Variants in HSDL2 observed in about 807,000 individuals in gnomAD.
HSDL2 encodes hydroxysteroid dehydrogenase like 2.
In HSDL2, 27 loss-of-function variants were observed where a neutral mutation model predicts 46.3. That is an observed-to-expected ratio of 0.58 (90% CI 0.43 to 0.80). The LOEUF (loss-of-function observed/expected upper bound fraction) is 0.80, where lower values mean the gene tolerates loss of function less well. Among genes scored for constraint, HSDL2 ranks in the 30% least tolerant of loss-of-function variants. The pLI is 0.00. For missense variants in HSDL2, 451 were observed against 502.7 expected, an observed-to-expected ratio of 0.90 and a Z score of 0.98; for synonymous variants, 153 against 163.6, an observed-to-expected ratio of 0.94 and a Z score of 0.50.
intron 6 of HSDL2, among the ~76,000 whole-genome samples, chr9:112,426,505 G>A (rs1005945005): frequency 6.6e-6 from 1 of 152,124 alleles, no homozygotes; most frequent in East Asian, 1.9e-4. Flanking sequence ...CAAAGTGCTG[G>A]GATTATAGGC....
intron 6 of HSDL2, among the ~76,000 whole-genome samples, chr9:112,427,436 C>T (rs1012211216): frequency 2.4e-4 from 37 of 152,156 alleles, no homozygotes; most frequent in Non-Finnish European, 4.7e-4. Context: ...TTAAATGATT[C>T]GGTCTCTTTA....
Position 112,381,530 on chromosome 9 carries a change from A to AT in HSDL2, c.17+1355dup, listed in dbSNP as rs1258503174. 2.0e-5 allele frequency among the ~76,000 whole-genome samples: 3 copies of AT among 151,844 alleles called. No individual in the cohort carries two copies. The South Asian group carries it at 6.3e-4, about 32-fold the overall frequency. ...CACCACGCCCTGTTGATTTTTTTGT[A>AT]TTTTTAGTACAGACGGGGTTTCACC... On this transcript the variant is annotated intron_variant, in intron 1 of 10. Coordinates refer to ENST00000398805, the MANE Select transcript of HSDL2 (RefSeq NM_032303.5).
intron 8 of HSDL2, among the ~76,000 whole-genome samples, chr9:112,443,860 T>C (rs1031249901): frequency 1.1e-4 from 16 of 152,260 alleles, no homozygotes; most frequent in Non-Finnish European, 2.2e-4. Context: ...TGGATATAAT[T>C]GTGCATGAAA....
intron 8 of HSDL2, among the ~76,000 whole-genome samples, chr9:112,448,014 G>A (rs1039839376): frequency 2.0e-5 from 3 of 152,100 alleles, no homozygotes; most frequent in Non-Finnish European, 4.4e-5. Context: ...GTTCAAATCC[G>A]GTGCCCGCCA....
chr9:112,445,614 G>T (rs4979116), intron 8 of HSDL2, among the ~76,000 whole-genome samples: 144,483 of 152,186 alleles, frequency 0.95, 68,629 homozygotes, highest in South Asian at 0.98. Flanking sequence ...AACCTCCACC[G>T]CCCAGGTTAA....
At chr9:112,404,866 T>C (rs4978489) in intron 2 of HSDL2, among the ~76,000 whole-genome samples, 42,072 of 152,012 alleles carry the variant, frequency 0.28, 5,992 homozygotes, top group Middle Eastern at 0.37. Context: ...GTGAAGTGTT[T>C]ATGAGTGAAA....
At chr9:112,421,706 C>A (rs1398825195) in intron 6 of HSDL2, among the ~76,000 whole-genome samples, 1 of 152,096 alleles carries the variant, frequency 6.6e-6, no homozygotes, top group Non-Finnish European at 1.5e-5. Context: ...GGCCTTATTA[C>A]ATTTTTGAAA....
intron 9 of HSDL2, 95 bp from the exon 10 acceptor site, chr9:112,459,354 C>T: frequency 7.3e-7 from 1 of 1,373,780 alleles, no homozygotes; most frequent in Non-Finnish European, 1.0e-6. Context: ...ACTTGGAAAA[C>T]AGCATTTTGT....
At chr9:112,430,707 T>C (rs1832368245) in intron 6 of HSDL2, among the ~76,000 whole-genome samples, 1 of 152,114 alleles carries the variant, frequency 6.6e-6, no homozygotes, top group South Asian at 2.1e-4. Context: ...CAGTATCTGC[T>C]GATGGATTGC....
chr9:112,421,475 C>T (rs560594849), intron 6 of HSDL2, among the ~76,000 whole-genome samples: 7 of 152,238 alleles, frequency 4.6e-5, no homozygotes, highest in East Asian at 1.9e-4. Flanking sequence ...GTGCTCTGCC[C>T]GTAATAGTCA....
At chr9:112,467,483 C>T (rs956450527) in intron 10 of HSDL2, among the ~76,000 whole-genome samples, 3 of 152,174 alleles carry the variant, frequency 2.0e-5, no homozygotes, top group Non-Finnish European at 4.4e-5. Context: ...ATAGATACCA[C>T]GTGTTGCGTG....
At chr9:112,447,665 C>T (rs1337587704) in intron 8 of HSDL2, among the ~76,000 whole-genome samples, 1 of 152,108 alleles carries the variant, frequency 6.6e-6, no homozygotes, top group African/African-American at 2.4e-5. Flanking sequence ...CACATCTCAG[C>T]ACTGTGTTCA....
chr9:112,463,267 T>A (rs1833269077), intron 10 of HSDL2, among the ~76,000 whole-genome samples: 1 of 152,094 alleles, frequency 6.6e-6, no homozygotes, highest in African/African-American at 2.4e-5. Flanking sequence ...AACTTTTTTT[T>A]TTTTTTTTCA....
intron 2 of HSDL2, 152 bp from the exon 3 acceptor site, chr9:112,405,472 T>C (rs985175347): frequency 1.9e-6 from 1 of 536,426 alleles, no homozygotes; most frequent in Non-Finnish European, 3.3e-6. Flanking sequence ...TAGTCTGTCC[T>C]GCTATATGGT....
rs548575391 is a variant in HSDL2, at chr9:112,454,149, G to T, written c.1002G>T (p.Leu334=). The T allele has an allele frequency of 5.0e-5, 80 of 1,613,160 alleles. No homozygotes were observed. The East Asian group carries it at 1.7e-3, about 34-fold the overall frequency. Residue 334 remains leucine (L), a synonymous_variant, in exon 9 of 11, where the codon CTG becomes CTT. Transcript: ENST00000398805. Reference sequence around the variant, plus strand: ...TTAAAGCCACTCAAGCAATCTATCTGTTTGAACTCTCCGGTAAGGACTGCA... The same window carrying T: ...TTAAAGCCACTCAAGCAATCTATCTTTTTGAACTCTCCGGTAAGGACTGCA... ...DVVKATQAIY[L]FELSGEDGGT... is the part of the protein sequence containing the mutation.
intron 8 of HSDL2, among the ~76,000 whole-genome samples, chr9:112,452,935 G>C (rs1832922693): frequency 6.6e-6 from 1 of 152,110 alleles, no homozygotes; most frequent in Non-Finnish European, 1.5e-5. Context: ...TTTCCAGAGA[G>C]GGCAGCCTGT....
At chr9:112,385,671 T>C (rs1237210123) in intron 1 of HSDL2, among the ~76,000 whole-genome samples, 1 of 152,026 alleles carries the variant, frequency 6.6e-6, no homozygotes, top group Non-Finnish European at 1.5e-5. Flanking sequence ...TTTTTTGTAT[T>C]TTTAGTAGAG....
chr9:112,402,547 T>G (rs1831626889), intron 1 of HSDL2, among the ~76,000 whole-genome samples: 1 of 111,950 alleles, frequency 8.9e-6, no homozygotes. Flanking sequence ...AACAGAGCTG[T>G]CTTAAAAAAA....
intron 6 of HSDL2, among the ~76,000 whole-genome samples, chr9:112,432,366 T>G (rs1212714700): frequency 6.6e-6 from 1 of 152,240 alleles, no homozygotes; most frequent in African/African-American, 2.4e-5. Context: ...AGTGTCTTCT[T>G]TGCTAGAATG....
Sources: allele counts gnomAD v4.1 joint callset (sites outside exome capture counted in the v4.1 genomes callset), GRCh38; gene constraint gnomAD v4.1.1; transcripts MANE v1.5; gene names NCBI Gene and HGNC (gene_info 2026-07-23, HGNC 2026-07-21).